The following MTHFD2L variants were observed in gnomAD, a reference collection of about 807,000 sequenced individuals.
MTHFD2L encodes the protein bifunctional methylenetetrahydrofolate dehydrogenase/cyclohydrolase 2, mitochondrial.
Under a neutral mutation model 34.9 loss-of-function variants are expected in MTHFD2L, and 29 were observed. The observed-to-expected ratio is 0.83, with a 90% CI of 0.62 to 1.13. The LOEUF (loss-of-function observed/expected upper bound fraction) is 1.13. Among genes scored for constraint, MTHFD2L ranks in the 50% most tolerant of loss-of-function variants. The pLI is 0.00. For missense variants in MTHFD2L, 481 were observed against 446.5 expected (o/e 1.08, Z -0.70); for synonymous variants, 167 against 155.7 (o/e 1.07, Z -0.54).
intron 3 of MTHFD2L, among the ~76,000 whole-genome samples, chr4:74,188,182 G>A (rs542958523): frequency 1.9e-4 from 29 of 152,246 alleles, no homozygotes; most frequent in African/African-American, 5.3e-4. Context: ...CAGCATATCC[G>A]TGGTGTATTA....
chr4:74,265,803 T>C (rs2110233680), intron 6 of MTHFD2L, among the ~76,000 whole-genome samples: 1 of 152,350 alleles, frequency 6.6e-6, no homozygotes, highest in African/African-American at 2.4e-5. Context: ...TTGCTAAGCT[T>C]AATATTCTCT....
chr4:74,298,279 A>G (rs1292547281), intron 7 of MTHFD2L, among the ~76,000 whole-genome samples: 1 of 152,074 alleles, frequency 6.6e-6, no homozygotes, highest in Non-Finnish European at 1.5e-5. Flanking sequence ...CTAAATGTTT[A>G]TTAATGTTCA....
intron 6 of MTHFD2L, among the ~76,000 whole-genome samples, chr4:74,239,261 C>T (rs1741329192): frequency 6.6e-6 from 1 of 152,148 alleles, no homozygotes. Flanking sequence ...TGCATGTTCT[C>T]ACTCATAGGT....
At chr4:74,156,245 T>C (rs1197705963), upstream of MTHFD2L, among the ~76,000 whole-genome samples, 12 of 152,168 alleles carry the variant, frequency 7.9e-5, no homozygotes, top group Admixed American at 7.9e-4. Context: ...ACCTCCACCC[T>C]ATCTTCTTAA....
chr4:74,166,950 C>T (rs1714825933), intron 1 of MTHFD2L, among the ~76,000 whole-genome samples: 2 of 152,120 alleles, frequency 1.3e-5, no homozygotes, highest in African/African-American at 2.4e-5. Flanking sequence ...CCTGGGCAAG[C>T]CTAGTCCCCA....
intron 5 of MTHFD2L, among the ~76,000 whole-genome samples, chr4:74,217,465 C>T (rs1458731717): frequency 6.6e-6 from 1 of 151,668 alleles, no homozygotes; most frequent in Non-Finnish European, 1.5e-5. Flanking sequence ...CATTGCTGTT[C>T]TGTGCATGAT....
upstream of MTHFD2L, among the ~76,000 whole-genome samples, chr4:74,155,782 AC>A (rs1724199930): frequency 6.6e-6 from 1 of 152,052 alleles, no homozygotes; most frequent in South Asian, 2.1e-4. Context: ...GAGAAATGCA[AC>A]AGGAGTAAAG....
intron 7 of MTHFD2L, among the ~76,000 whole-genome samples, chr4:74,285,905 C>T (rs573420741): frequency 9.2e-4 from 140 of 152,258 alleles, no homozygotes; most frequent in Non-Finnish European, 1.8e-3. Flanking sequence ...TACAGTTTCT[C>T]ACTGTTACTA....
At chr4:74,209,159 G>A (rs1448991224) in intron 5 of MTHFD2L, among the ~76,000 whole-genome samples, 1 of 152,046 alleles carries the variant, frequency 6.6e-6, no homozygotes, top group African/African-American at 2.4e-5. Flanking sequence ...GGAGAGTGAG[G>A]CCAAAAGCCT....
At chr4:74,158,849 C>T (rs997364787) in intron 1 of MTHFD2L, among the ~76,000 whole-genome samples, 11 of 152,186 alleles carry the variant, frequency 7.2e-5, no homozygotes, top group African/African-American at 2.7e-4. Context: ...CATTACATGT[C>T]TTGGTTGCTG....
rs1477626915 is a variant in MTHFD2L, at chr4:74,164,929, CT to C, written c.143+6649del. ...TCTTGCCTTTAGGGGAAGGTCATTT[CT>C]GCCTTTGTGGGAAACCACCTGAGCA... is the stretch of plus-strand genomic sequence containing the variant. On this transcript the variant is annotated intron_variant, in intron 1 of 7. Transcript: ENST00000325278. The C allele has an allele frequency of 4.1e-6, 4 of 978,528 alleles. No individual in the cohort carries two copies. The Admixed American group carries it at 1.8e-4, about 45-fold the overall frequency. 60.6% of individuals were successfully genotyped at this position (978,528 alleles called of 1,614,324 possible).
At position 74,216,968 on chromosome 4, in the gene MTHFD2L, C is replaced by T. The variant is rs555934244; in HGVS notation, c.713-8334C>T. The stretch of plus-strand genomic sequence containing the variant: ...ATCACCCATGTCTTCCTGTAACACC[C>T]ATGACAACATGACACCAGAATAACA... On this transcript the variant is annotated intron_variant, in intron 5 of 7. Coordinates refer to ENST00000325278, the MANE Select transcript of MTHFD2L (RefSeq NM_001144978.3). Among the ~76,000 whole-genome samples the T allele has an allele frequency of 9.9e-5, 15 of 151,854 alleles. No homozygotes were observed. The East Asian group carries it at 2.7e-3, about 27-fold the overall frequency.
intron 6 of MTHFD2L, among the ~76,000 whole-genome samples, chr4:74,231,826 C>A (rs1334784640): frequency 2.0e-5 from 3 of 151,920 alleles, no homozygotes; most frequent in Non-Finnish European, 4.4e-5. Context: ...GTAGAATTTC[C>A]CATATCTAAA....
rs575286481 is a variant in MTHFD2L, at chr4:74,208,724, A to G, written c.712+7354A>G. 3.4e-3 allele frequency among the ~76,000 whole-genome samples: 524 copies of G among 152,318 alleles called. 3 individuals carry two copies. The highest frequency in any genetic ancestry group is 0.012 in the African/African-American group (505 of 41,578). ...TTACCACCCAGGAACAGGAAAGGCC[A>G]GGCTCCTACCATGGCAAATGGCATG... On this transcript the variant is annotated intron_variant, in intron 5 of 7. Transcript: ENST00000325278.
chr4:74,212,133 A>G (rs1736428005), intron 5 of MTHFD2L, among the ~76,000 whole-genome samples: 1 of 150,820 alleles, frequency 6.6e-6, no homozygotes, highest in Admixed American at 6.6e-5. Context: ...TAAAAAAAAT[A>G]GCATTTTTTA....
At chr4:74,198,457 C>G (rs1733855105) in intron 3 of MTHFD2L, among the ~76,000 whole-genome samples, 1 of 152,034 alleles carries the variant, frequency 6.6e-6, no homozygotes, top group South Asian at 2.1e-4. Flanking sequence ...TGAGTCCTAG[C>G]TAAAAATAGA....
chr4:74,146,865 T>C (rs1157247380), intron 1 of MTHFD2L, among the ~76,000 whole-genome samples: 1 of 152,082 alleles, frequency 6.6e-6, no homozygotes, highest in Non-Finnish European at 1.5e-5. Context: ...CTGACTGTGT[T>C]TTTTCCAATA....
chr4:74,140,901 A>G (rs1723240265), intron 1 of MTHFD2L, among the ~76,000 whole-genome samples: 1 of 152,190 alleles, frequency 6.6e-6, no homozygotes, highest in South Asian at 2.1e-4. Context: ...CTCCCACAAA[A>G]CATGGGGATT....
intron 6 of MTHFD2L, among the ~76,000 whole-genome samples, chr4:74,234,495 G>C (rs1176424113): frequency 6.6e-6 from 1 of 151,884 alleles, no homozygotes; most frequent in East Asian, 1.9e-4. Context: ...GAATATGTAT[G>C]CTATTTCCAA....
Sources: allele counts gnomAD v4.1 joint callset (sites outside exome capture counted in the v4.1 genomes callset), GRCh38; gene constraint gnomAD v4.1.1; transcripts MANE v1.5; gene names NCBI Gene and HGNC (gene_info 2026-07-23, HGNC 2026-07-21).